The following FBXO7 variants were observed in gnomAD, a reference collection of about 807,000 sequenced individuals.
The protein encoded by FBXO7 is F-box protein 7, also known as F-box only protein 7.
A neutral mutation model predicts 50.2 loss-of-function variants in FBXO7; 31 were observed. The observed-to-expected ratio is 0.62, with a 90% CI of 0.46 to 0.83. The LOEUF is 0.83. Among genes scored for constraint, FBXO7 ranks in the 40% least tolerant of loss-of-function variants. The probability of loss-of-function intolerance (pLI) is 0.00; values close to 1 mark genes in which losing one functional copy is unlikely to be tolerated. For missense variants in FBXO7, 667 were observed against 646.6 expected (o/e 1.03, Z -0.34); for synonymous variants, 256 against 253.1 (o/e 1.01, Z -0.11).
chr22:32,481,119 A>T (rs2057462017), intron 2 of FBXO7, among the ~76,000 whole-genome samples: 1 of 152,170 alleles, frequency 6.6e-6, no homozygotes, highest in South Asian at 2.1e-4. Context: ...ATAAGTATTC[A>T]TGGTAACTTG....
chr22:32,496,043 G>A (rs990003226), intron 8 of FBXO7, among the ~76,000 whole-genome samples: 15 of 152,306 alleles, frequency 9.8e-5, no homozygotes, highest in Admixed American at 5.9e-4. Flanking sequence ...GGAAGAAGAC[G>A]CCATCTATTT....
intron 6 of FBXO7, chr22:32,491,447 T>G (rs1269805367): frequency 2.5e-6 from 1 of 392,954 alleles, no homozygotes; most frequent in African/African-American, 2.1e-5. Context: ...TGGGAATACC[T>G]TGAAGGTAGG....
intron 1 of FBXO7, chr22:32,476,085 G>A (rs1489072509): frequency 6.6e-6 from 1 of 151,914 alleles, no homozygotes; most frequent in African/African-American, 2.4e-5. Context: ...ACCTTCCTAC[G>A]TTTTCACCTT....
At position 32,498,679 on chromosome 22, in the gene FBXO7, A is replaced by C; in HGVS notation, c.*149A>C. On this transcript the variant is annotated 3_prime_UTR_variant, in exon 9 of 9. Transcript: ENST00000266087. ...GAAACCTTTTAAGAGATACATTTAT[A>C]GCCCTAGGGGTGGTATGACCCAAAG... 1 of 966,914 alleles carries C rather than the reference A, an allele frequency of 1.0e-6. No individual in the cohort carries two copies. Among genetic ancestry groups the C allele is most frequent in the South Asian group, 1.5e-5 (1 of 66,534 alleles). 59.9% of individuals were successfully genotyped at this position (966,914 alleles called of 1,614,324 possible). A position where few individuals can be genotyped will look rare whatever the true frequency, so the allele number is the denominator to read the frequency against.
chr22:32,498,101 T>G, intron 8 of FBXO7, 43 bp from the exon 9 acceptor site: 1 of 1,601,820 alleles, frequency 6.2e-7, no homozygotes, highest in South Asian at 1.1e-5. Flanking sequence ...AACATCCAGA[T>G]CACTTACCTT....
In FBXO7 at chr22:32,493,185, C is replaced by A. The variant is rs780834791; in HGVS notation, c.1048C>A (p.Arg350Ser). Residue 350 changes from arginine (R) to serine (S), a missense_variant, in exon 7 of 9, where the codon CGT becomes AGT. Arg to Ser is a moderately radical substitution (Grantham distance 110). Coordinates refer to ENST00000266087, the MANE Select transcript of FBXO7 (RefSeq NM_012179.4). ...KLRIFRLLDV[R>S]SVLSLSAVCR... ...ACGGATCTTCCGACTTCTGGATGTT[C>A]GTTCCGTCTTGTCTTTGTCTGCGGT... is the stretch of plus-strand genomic sequence containing the variant. 6.2e-7 allele frequency: 1 copy of A among 1,614,142 alleles called. No homozygotes were observed. The highest frequency in any genetic ancestry group is 2.2e-5 in the East Asian group (1 of 44,880).
intron 8 of FBXO7, among the ~76,000 whole-genome samples, chr22:32,496,110 T>C (rs889111204): frequency 3.9e-5 from 6 of 152,194 alleles, no homozygotes; most frequent in African/African-American, 1.4e-4. Flanking sequence ...GACTCTTTTG[T>C]TAGGGGCTAA....
chr22:32,485,059 G>A lies in FBXO7; in HGVS notation c.646-9G>A, dbSNP rs1205866315. Reference sequence around the variant, plus strand: ...TCATTATTTGTTTCCCTTTCATTTCGTTCCCCAGGGCACCGAAGCCAAAGC... The same window carrying A: ...TCATTATTTGTTTCCCTTTCATTTCATTCCCCAGGGCACCGAAGCCAAAGC... On this transcript the variant is annotated splice_polypyrimidine_tract_variant and intron_variant, in intron 3 of 8. Transcript: ENST00000266087. 9.9e-6 allele frequency: 16 copies of A among 1,613,740 alleles called. No homozygotes were observed. Among genetic ancestry groups the A allele is most frequent in the South Asian group, 5.5e-5 (5 of 91,074 alleles).
At chr22:32,497,831 A>G (rs528539940) in intron 8 of FBXO7, among the ~76,000 whole-genome samples, 12 of 152,368 alleles carry the variant, frequency 7.9e-5, no homozygotes, top group African/African-American at 2.4e-4. Context: ...AAGACCCTCT[A>G]TTAGCAAAAA....
chr22:32,484,192 A>G, intron 3 of FBXO7, 68 bp downstream of exon 3: 1 of 1,375,296 alleles, frequency 7.3e-7, no homozygotes, highest in Non-Finnish European at 1.0e-6. Context: ...CCTGCTCTCA[A>G]GTTGCCCGTA....
chr22:32,479,901 A>G (rs544111734), intron 2 of FBXO7, among the ~76,000 whole-genome samples: 2 of 152,136 alleles, frequency 1.3e-5, no homozygotes, highest in Admixed American at 6.5e-5. Context: ...AAGGCTATAG[A>G]TGTGGTCTAA....
chr22:32,486,966 G>A (rs1047993983), intron 4 of FBXO7, among the ~76,000 whole-genome samples: 2 of 152,172 alleles, frequency 1.3e-5, no homozygotes, highest in African/African-American at 2.4e-5. Flanking sequence ...ACTTAATGAC[G>A]TGTATAATAA....
At position 32,479,027 on chromosome 22, in the gene FBXO7, A is replaced by G. The variant is rs760306475; in HGVS notation, c.169A>G (p.Thr57Ala). Residue 57 changes from threonine to alanine, a missense_variant, in exon 2 of 9, where the codon ACT becomes GCT. Thr to Ala is a moderately conservative substitution (Grantham distance 58, BLOSUM62 0). Transcript: ENST00000266087. ...TACATTGAACTACAAGGATCCCCTC[A>G]CTGGAGATGAAGAGACCTTGGCTTC... The part of the protein sequence containing the change: ...TITLNYKDPL[T>A]GDEETLASYG... 234 of 1,614,090 alleles carry G rather than the reference A, an allele frequency of 1.4e-4. No homozygotes were observed. Among genetic ancestry groups the G allele is most frequent in the Non-Finnish European group, 1.8e-4 (217 of 1,180,032 alleles).
At chr22:32,483,601 T>A (rs1051860181) in intron 2 of FBXO7, among the ~76,000 whole-genome samples, 2 of 152,168 alleles carry the variant, frequency 1.3e-5, no homozygotes, top group African/African-American at 4.8e-5. Flanking sequence ...TAGGAGTTAG[T>A]TTCAGGGAAC....
At chr22:32,494,929 T>G (rs1229039862) in intron 7 of FBXO7, among the ~76,000 whole-genome samples, 1 of 152,252 alleles carries the variant, frequency 6.6e-6, no homozygotes, top group Admixed American at 6.5e-5. Flanking sequence ...TTTCCTCATT[T>G]CACATATTTC....
At chr22:32,482,654 G>T (rs1469887723) in intron 2 of FBXO7, among the ~76,000 whole-genome samples, 1 of 152,144 alleles carries the variant, frequency 6.6e-6, no homozygotes, top group Non-Finnish European at 1.5e-5. Context: ...ATAAAAAGGC[G>T]ATACCTGCCA....
intron 4 of FBXO7, 115 bp from the exon 5 acceptor site, chr22:32,487,630 T>G (rs1366531420): frequency 2.9e-6 from 2 of 699,754 alleles, no homozygotes; most frequent in African/African-American, 3.6e-5. Flanking sequence ...CAGTTTGTTT[T>G]GTATAATGTG....
chr22:32,490,919 T>G (rs947500777), intron 5 of FBXO7, 167 bp from the exon 6 acceptor site: 3 of 588,332 alleles, frequency 5.1e-6, no homozygotes, highest in Non-Finnish European at 9.1e-6. Flanking sequence ...AGATTCAGTT[T>G]CATCAAGTCT....
intron 2 of FBXO7, among the ~76,000 whole-genome samples, chr22:32,483,073 G>A (rs146771516): frequency 2.6e-5 from 4 of 152,334 alleles, no homozygotes; most frequent in East Asian, 3.9e-4. Context: ...GGATTTAGAA[G>A]TTTGGTCTTC....
Sources: gnomAD v4.1 joint callset for allele counts (sites outside exome capture counted in the v4.1 genomes callset) on GRCh38, gnomAD v4.1.1 for gene constraint, MANE v1.5 for transcripts, NCBI Gene and HGNC (gene_info 2026-07-23, HGNC 2026-07-21) for gene names.